SOD2: variants seen among roughly 807,000 people sequenced by gnomAD.
SOD2 encodes superoxide dismutase 2.
SOD2 carries 11 observed loss-of-function variants against 27.0 expected under a neutral mutation model. The observed-to-expected ratio is 0.41, with a 90% confidence interval of 0.26 to 0.67. SOD2 has a LOEUF of 0.67. Among genes scored for constraint, SOD2 ranks in the 30% least tolerant of loss-of-function variants. The pLI, the probability that SOD2 is intolerant of heterozygous loss-of-function variation, is 0.34. For synonymous variants in SOD2, 105 were observed against 103.0 expected (o/e 1.02, Z -0.12); for missense variants, 250 against 274.5 (o/e 0.91, Z 0.63).
chr6:159,693,163 A>G lies in SOD2; in HGVS notation c.5T>C (p.Leu2Ser), dbSNP rs1221436112. The stretch of plus-strand genomic sequence containing the variant: ...TTCTCACCCGCACACTGCCCGGCTC[A>G]ACATGCTGCTAGTGCTGGTGCTACC... Reference protein sequence around the residue: MLSRAVCGTSRQ... With the variant: MSSRAVCGTSRQ... The change falls in exon 1 of 5, where the codon TTG (leucine) becomes TCG (serine). Residue 2 changes from leucine to serine, a missense_variant. By Grantham distance (145) the Leu-to-Ser change is moderately radical. Transcript: ENST00000538183. 6.5e-7 allele frequency: 1 copy of G among 1,533,146 alleles called. No homozygotes were observed. Among genetic ancestry groups the G allele is most frequent in the South Asian group, 1.2e-5 (1 of 82,104 alleles). 95.0% of individuals were successfully genotyped at this position (1,533,146 alleles called of 1,614,324 possible). A position where few individuals can be genotyped will look rare whatever the true frequency, so the allele number is the denominator to read the frequency against.
Position 159,726,901 on chromosome 6 carries a change from T to C in SOD2, c.-116+228A>G, listed in dbSNP as rs778287177. The C allele has an allele frequency of 2.7e-5, 35 of 1,288,878 alleles. No homozygotes were observed. In the South Asian group the frequency reaches 4.3e-4, roughly 16 times the overall value. The allele number at this position is 1,288,878 out of a possible 1,614,324, so 79.8% of individuals were successfully genotyped here. On this transcript the variant is annotated intron_variant, in intron 1 of 2. Coordinates refer to the SOD2 transcript ENST00000401980. The stretch of plus-strand genomic sequence containing the variant: ...CGCCCGCGGCTCGCCGCCCACGGCC[T>C]CTCTCTTGAGGTGGCACCTGGTCCT...
chr6:159,754,681 A>G (rs112615029), intron 1 of SOD2, among the ~76,000 whole-genome samples: 2 of 152,292 alleles, frequency 1.3e-5, no homozygotes, highest in African/African-American at 4.8e-5. Flanking sequence ...CTAGGAAAAT[A>G]GTTATTTTAC....
upstream of SOD2, among the ~76,000 whole-genome samples, chr6:159,730,272 A>G (rs1562450085): frequency 6.6e-6 from 1 of 152,068 alleles, no homozygotes; most frequent in East Asian, 1.9e-4. Context: ...AACTGAACAT[A>G]TTTTCTTTAT....
upstream of SOD2, among the ~76,000 whole-genome samples, chr6:159,694,636 C>G (rs113075005): frequency 2.0e-5 from 3 of 152,238 alleles, no homozygotes; most frequent in African/African-American, 7.2e-5. Flanking sequence ...CGCTCTGTCG[C>G]TCAGGCTGGA....
intron 1 of SOD2, among the ~76,000 whole-genome samples, chr6:159,714,188 G>A (rs943608886): frequency 6.6e-6 from 1 of 152,114 alleles, no homozygotes; most frequent in Non-Finnish European, 1.5e-5. Flanking sequence ...TGCCTCTGCT[G>A]TCCCATCTGT....
At position 159,673,269 on chromosome 6, in the gene SOD2, T is replaced by G. The variant is rs1393713026; in HGVS notation, c.*9224A>C. 2.0e-5 allele frequency: 3 copies of G among 152,060 alleles called. No homozygotes were observed. Among genetic ancestry groups the G allele is most frequent in the Non-Finnish European group, 4.4e-5 (3 of 67,994 alleles). The allele number at this position is 152,060 out of a possible 1,614,324, so 9.4% of individuals were successfully genotyped here. On this transcript the variant is annotated 3_prime_UTR_variant, in exon 5 of 5. Coordinates refer to ENST00000538183, the MANE Select transcript of SOD2 (RefSeq NM_000636.4). ...CAGACCTAATAGACATCTACAGAAC[T>G]CTCCACCCCAAATCAACAGAATATA...
upstream of SOD2, chr6:159,693,278 C>G (rs1446704267): frequency 6.0e-6 from 6 of 1,007,770 alleles, no homozygotes; most frequent in African/African-American, 1.7e-5. Context: ...TAAGAAAGCG[C>G]GGGGAGCAGG....
intron 2 of SOD2, among the ~76,000 whole-genome samples, chr6:159,689,111 T>C (rs1384205960): frequency 6.6e-6 from 1 of 152,208 alleles, no homozygotes; most frequent in African/African-American, 2.4e-5. Flanking sequence ...CAAGAGGCGC[T>C]GCACTTGACC....
At chr6:159,740,653 A>G (rs142541091) in intron 1 of SOD2, among the ~76,000 whole-genome samples, 31 of 151,574 alleles carry the variant, frequency 2.0e-4, no homozygotes, top group South Asian at 6.3e-4. Context: ...CAGTGTTTAC[A>G]TAGAAAGTGG....
At chr6:159,743,990 CAA>C (rs1340677838) in intron 1 of SOD2, among the ~76,000 whole-genome samples, 1 of 151,602 alleles carries the variant, frequency 6.6e-6, no homozygotes, top group Non-Finnish European at 1.5e-5. Context: ...GCCAAGAAGG[CAA>C]AGTTTTAAGT....
chr6:159,705,010 A>G (rs536584634), intron 1 of SOD2, among the ~76,000 whole-genome samples: 2 of 152,354 alleles, frequency 1.3e-5, no homozygotes, highest in Admixed American at 6.5e-5. Flanking sequence ...TTCCCAGGCA[A>G]ACAGGGTCTG....
rs1777315707 is a variant in SOD2, at chr6:159,693,146, C to T, written c.22G>A (p.Gly8Ser). ...TGACCGGGTCCCCTTTCTTCTCACC[C>T]GCACACTGCCCGGCTCAACATGCTG... MLSRAVC[G>S]TSRQLAPVLG... Residue 8 changes from glycine (G) to serine (S), a missense_variant and splice_region_variant, in exon 1 of 5, where the codon GGC (glycine) becomes AGC (serine). Physicochemically the swap from Gly to Ser is moderately conservative, Grantham distance 56 (BLOSUM62 0). Transcript: ENST00000538183. The T allele has an allele frequency of 2.0e-6, 3 of 1,534,162 alleles. No individual in the cohort carries two copies. The highest frequency in any genetic ancestry group is 2.4e-5 in the South Asian group (2 of 82,218).
chr6:159,761,336 C>T, exon 1 of SOD2: 1 of 302,468 alleles, frequency 3.3e-6, no homozygotes, highest in Non-Finnish European at 6.7e-6. Flanking sequence ...TTAAACAAAA[C>T]TGACCCCACT....
chr6:159,742,927 C>T (rs370422604), intron 1 of SOD2, among the ~76,000 whole-genome samples: 2 of 152,186 alleles, frequency 1.3e-5, no homozygotes, highest in South Asian at 2.1e-4. Context: ...CACTAGAGCC[C>T]GGGAGGTCAA....
At chr6:159,743,202 C>T (rs182071486) in intron 1 of SOD2, among the ~76,000 whole-genome samples, 27 of 152,218 alleles carry the variant, frequency 1.8e-4, no homozygotes, top group Non-Finnish European at 3.5e-4. Context: ...CATGCATCAC[C>T]ACGACTGGCT....
At chr6:159,741,928 G>C (rs1454513345) in intron 1 of SOD2, 2 of 554,032 alleles carry the variant, frequency 3.6e-6, no homozygotes, top group African/African-American at 2.0e-5. Flanking sequence ...CTCCAGCCTG[G>C]GGGACAGAGC....
At chr6:159,683,112 CA>C (rs1295208077) in intron 4 of SOD2, among the ~76,000 whole-genome samples, 1 of 152,136 alleles carries the variant, frequency 6.6e-6, no homozygotes, top group Non-Finnish European at 1.5e-5. Flanking sequence ...GAATACAGAG[CA>C]GTTGGAGGAC....
chr6:159,727,759 C>T (rs1345044047), upstream of SOD2: 2 of 979,042 alleles, frequency 2.0e-6, no homozygotes, highest in African/African-American at 1.7e-5. Flanking sequence ...GGCCTGAGGG[C>T]TGATGCGCAG....
chr6:159,736,066 A>G (rs1778894360), intron 1 of SOD2, among the ~76,000 whole-genome samples: 1 of 152,208 alleles, frequency 6.6e-6, no homozygotes, highest in Non-Finnish European at 1.5e-5. Context: ...TACAGAGTAT[A>G]TAGGAACTCT....
Sources: gnomAD v4.1 joint callset for allele counts (sites outside exome capture counted in the v4.1 genomes callset) on GRCh38, gnomAD v4.1.1 for gene constraint, MANE v1.5 for transcripts, NCBI Gene and HGNC (gene_info 2026-07-23, HGNC 2026-07-21) for gene names.